The following PLD5 variants were observed in gnomAD, a reference collection of about 807,000 sequenced individuals.
The protein encoded by PLD5 is inactive phospholipase D5.
A neutral mutation model predicts 61.1 loss-of-function variants in PLD5; 36 were observed. The ratio of observed to expected loss-of-function variants is 0.59; its 90% CI spans 0.45 to 0.78. The LOEUF (loss-of-function observed/expected upper bound fraction) is 0.78. Among genes scored for constraint, PLD5 ranks in the 30% least tolerant of loss-of-function variants. The pLI, the probability that PLD5 is intolerant of heterozygous loss-of-function variation, is 0.00. For missense variants in PLD5, 515 were observed against 644.4 expected, an observed-to-expected ratio of 0.80 and a Z score of 2.17; for synonymous variants, 243 against 242.8, an observed-to-expected ratio of 1.00 and a Z score of -0.01.
intron 1 of PLD5, among the ~76,000 whole-genome samples, chr1:242,430,112 T>G (rs1281057059): frequency 6.6e-6 from 1 of 152,238 alleles, no homozygotes; most frequent in East Asian, 1.9e-4. Context: ...GAATTCCATG[T>G]AATTTCCTCA....
chr1:242,325,172 A>G (rs1343019506), intron 2 of PLD5, among the ~76,000 whole-genome samples: 1 of 152,028 alleles, frequency 6.6e-6, no homozygotes, highest in Non-Finnish European at 1.5e-5. Context: ...AAAACATCCT[A>G]CACCTCCAGA....
chr1:242,343,054 T>C (rs371035394), intron 2 of PLD5, among the ~76,000 whole-genome samples: 3 of 152,210 alleles, frequency 2.0e-5, no homozygotes, highest in Admixed American at 1.3e-4. Flanking sequence ...AATGGGAATC[T>C]TATTAGAGGA....
intron 1 of PLD5, among the ~76,000 whole-genome samples, chr1:242,454,094 C>A (rs1477808004): frequency 1.3e-5 from 2 of 152,056 alleles, no homozygotes; most frequent in Non-Finnish European, 2.9e-5. Flanking sequence ...CTTTGGGAGG[C>A]CAAGGTGGGC....
chr1:242,222,007 G>C (rs891388264), intron 4 of PLD5, among the ~76,000 whole-genome samples: 20 of 152,074 alleles, frequency 1.3e-4, no homozygotes, highest in African/African-American at 4.8e-4. Flanking sequence ...ACTTCCTCTG[G>C]GACATGCAGG....
At chr1:242,253,459 G>A (rs1324174845) in intron 4 of PLD5, among the ~76,000 whole-genome samples, 2 of 151,752 alleles carry the variant, frequency 1.3e-5, no homozygotes, top group Non-Finnish European at 2.9e-5. Context: ...GACTACAGGT[G>A]CCTGCCACCA....
intron 2 of PLD5, among the ~76,000 whole-genome samples, chr1:242,329,606 A>AT (rs1200648081): frequency 6.6e-6 from 1 of 152,182 alleles, no homozygotes; most frequent in African/African-American, 2.4e-5. Context: ...TTTAAGAATC[A>AT]TTTAGGTCAT....
intron 1 of PLD5, among the ~76,000 whole-genome samples, chr1:242,451,155 A>G (rs564022803): frequency 6.6e-6 from 1 of 152,228 alleles, no homozygotes; most frequent in Admixed American, 6.5e-5. Flanking sequence ...GCTTTTTTCC[A>G]TTAGCCTTAT....
chr1:242,465,544 C>G (rs1349266267), intron 1 of PLD5, among the ~76,000 whole-genome samples: 2 of 152,192 alleles, frequency 1.3e-5, no homozygotes, highest in Non-Finnish European at 2.9e-5. Flanking sequence ...GGCTCTGCTG[C>G]TAATCTCTCC....
At chr1:242,215,952 T>G (rs950579547) in intron 5 of PLD5, among the ~76,000 whole-genome samples, 1 of 152,232 alleles carries the variant, frequency 6.6e-6, no homozygotes, top group Non-Finnish European at 1.5e-5. Flanking sequence ...TTTTCAGATT[T>G]ATCTGAAAAT....
intron 5 of PLD5, among the ~76,000 whole-genome samples, chr1:242,218,963 T>C (rs1670391314): frequency 6.6e-6 from 1 of 152,242 alleles, no homozygotes; most frequent in African/African-American, 2.4e-5. Context: ...AAACTGTTAT[T>C]GTTGTTAATT....
At position 242,230,193 on chromosome 1, in the gene PLD5, C is replaced by G. The variant is rs748032952; in HGVS notation, c.608-10078G>C. Reference sequence around the variant, plus strand: ...AAAGCTGCGTGTTTATGCCTAATCCCATATGTCTACCACTTTCCTGTAATG... The same window carrying G: ...AAAGCTGCGTGTTTATGCCTAATCCGATATGTCTACCACTTTCCTGTAATG... On this transcript the variant is annotated intron_variant, in intron 4 of 9. Transcript: ENST00000536534. Among the ~76,000 whole-genome samples the G allele has an allele frequency of 9.7e-4, 147 of 152,312 alleles. 2 individuals carry two copies. Among genetic ancestry groups the G allele is most frequent in the Non-Finnish European group, 1.4e-3 (98 of 68,030 alleles).
intron 1 of PLD5, among the ~76,000 whole-genome samples, chr1:242,350,434 TACACACACACACACACACACAC>T (rs57955584): frequency 1.5e-4 from 22 of 145,306 alleles, no homozygotes; most frequent in Admixed American, 3.4e-4. Flanking sequence ...TATACACACG[TACACACACACACACACACACAC>T]ACACACACAC....
chr1:242,464,793 A>G (rs1308391090), intron 1 of PLD5, among the ~76,000 whole-genome samples: 1 of 152,248 alleles, frequency 6.6e-6, no homozygotes, highest in African/African-American at 2.4e-5. Context: ...CATGGTGTCT[A>G]TCCATACAGT....
At chr1:242,338,883 T>C (rs1420685886) in intron 2 of PLD5, among the ~76,000 whole-genome samples, 1 of 152,204 alleles carries the variant, frequency 6.6e-6, no homozygotes, top group African/African-American at 2.4e-5. Context: ...TGGAGACTTC[T>C]CTTTTCCTTC....
In PLD5 at chr1:242,088,521, T is replaced by C. The variant is rs1259692337; in HGVS notation, c.*1333A>G. ...CTACCGTGACAACATCCTTGCGAGG[T>C]AGGTGAGTTATTACCGTCTACATTA... On this transcript the variant is annotated 3_prime_UTR_variant, in exon 10 of 10. Coordinates refer to ENST00000536534, the MANE Select transcript of PLD5 (RefSeq NM_001372062.1). 2 of 152,008 alleles carry C rather than the reference T, an allele frequency of 1.3e-5. No homozygotes were observed. The highest frequency in any genetic ancestry group is 4.8e-5 in the African/African-American group (2 of 41,368). The allele number at this position is 152,008 out of a possible 1,614,324, so 9.4% of individuals were successfully genotyped here. A position where few individuals can be genotyped will look rare whatever the true frequency, so the allele number is the denominator to read the frequency against.
chr1:242,519,054 T>C (rs1286826180), intron 1 of PLD5, among the ~76,000 whole-genome samples: 1 of 152,228 alleles, frequency 6.6e-6, no homozygotes, highest in East Asian at 1.9e-4. Context: ...CAGGAAATGA[T>C]CCCAGTAAAT....
Position 242,168,846 on chromosome 1 carries a change from G to GTTTTTTTTTTTT in PLD5, c.736-44193_736-44182dup, listed in dbSNP as rs34280777. On this transcript the variant is annotated intron_variant, in intron 5 of 9. Transcript: ENST00000536534. Reference sequence around the variant, plus strand: ...TCCATGACAGTTTTTAATTAATGAAGTTTTTTTTTTTTTTTTTTTTACCAC... The same window carrying GTTTTTTTTTTTT: ...TCCATGACAGTTTTTAATTAATGAAGTTTTTTTTTTTTTTTTTTTTTTTTTTTTTTTTACCAC... Among the ~76,000 whole-genome samples, 127 of 111,268 alleles carry GTTTTTTTTTTTT rather than the reference G, an allele frequency of 1.1e-3. 12 individuals are homozygous for GTTTTTTTTTTTT. Among genetic ancestry groups the GTTTTTTTTTTTT allele is most frequent in the African/African-American group, 4.4e-3 (117 of 26,788 alleles). 73.0% of individuals were successfully genotyped at this position (111,268 alleles called of 152,430 possible).
chr1:242,208,492 A>G (rs777588366), intron 5 of PLD5, among the ~76,000 whole-genome samples: 1 of 152,190 alleles, frequency 6.6e-6, no homozygotes, highest in Non-Finnish European at 1.5e-5. Flanking sequence ...GGTAATGACC[A>G]TAACGATCTC....
chr1:242,374,893 G>A (rs1034787375), intron 1 of PLD5, among the ~76,000 whole-genome samples: 3 of 152,150 alleles, frequency 2.0e-5, no homozygotes, highest in African/African-American at 7.2e-5. Context: ...CAATAAATTT[G>A]TATGTCTTTC....
Sources: gnomAD v4.1 joint callset for allele counts (sites outside exome capture counted in the v4.1 genomes callset) on GRCh38, gnomAD v4.1.1 for gene constraint, MANE v1.5 for transcripts, NCBI Gene and HGNC (gene_info 2026-07-23, HGNC 2026-07-21) for gene names.